The following RNLS variants were observed in gnomAD, a reference collection of about 807,000 sequenced individuals.
RNLS encodes renalase.
In RNLS, 39 loss-of-function variants were observed where a neutral mutation model predicts 39.8. The observed-to-expected ratio is 0.98, with a 90% confidence interval of 0.76 to 1.28. RNLS has a LOEUF of 1.28. Among genes scored for constraint, RNLS ranks in the 50% most tolerant of loss-of-function variants. The pLI, the probability that RNLS is intolerant of heterozygous loss-of-function variation, is 0.00. For synonymous variants in RNLS, 147 were observed against 150.7 expected, an observed-to-expected ratio of 0.98 and a Z score of 0.18; for missense variants, 410 against 413.3, an observed-to-expected ratio of 0.99 and a Z score of 0.07.
chr10:88,326,603 TA>T (rs536276576), intron 5 of RNLS, among the ~76,000 whole-genome samples: 121 of 152,322 alleles, frequency 7.9e-4, no homozygotes, highest in Non-Finnish European at 1.3e-3. Flanking sequence ...AACTTATGTT[TA>T]AAAGGGATAC....
intron 4 of RNLS, among the ~76,000 whole-genome samples, chr10:88,504,597 A>C (rs1445557746): frequency 6.6e-6 from 1 of 152,118 alleles, no homozygotes; most frequent in Non-Finnish European, 1.5e-5. Flanking sequence ...AGTAAACCCT[A>C]AAAGGGAATA....
At chr10:88,549,410 A>C (rs2134327780) in intron 4 of RNLS, among the ~76,000 whole-genome samples, 1 of 151,982 alleles carries the variant, frequency 6.6e-6, no homozygotes, top group African/African-American at 2.4e-5. Context: ...AAAAAAAAAA[A>C]AAACAAGTTG....
At chr10:88,552,574 A>G (rs1247376770) in intron 4 of RNLS, among the ~76,000 whole-genome samples, 1 of 152,246 alleles carries the variant, frequency 6.6e-6, no homozygotes, top group African/African-American at 2.4e-5. Flanking sequence ...GACAACAGTT[A>G]CTGATTAAAA....
At chr10:88,193,278 C>G in the RNLS span, among the ~76,000 whole-genome samples, 1 of 152,036 alleles carries the variant, frequency 6.6e-6, no homozygotes, top group African/African-American at 2.4e-5. Flanking sequence ...TTGACTCGCC[C>G]GAGAACTGTT....
intron 4 of RNLS, among the ~76,000 whole-genome samples, chr10:88,560,206 T>C (rs950651453): frequency 2.0e-5 from 3 of 152,174 alleles, no homozygotes; most frequent in Admixed American, 6.5e-5. Context: ...TTGATGGTTA[T>C]TATAAAATTA....
At chr10:88,556,883 T>C (rs1191296937) in intron 4 of RNLS, among the ~76,000 whole-genome samples, 3 of 152,160 alleles carry the variant, frequency 2.0e-5, no homozygotes, top group Non-Finnish European at 2.9e-5. Context: ...TCATTTCACA[T>C]AGATATTCAC....
At chr10:88,442,712 C>T (rs1331427613) in intron 4 of RNLS, among the ~76,000 whole-genome samples, 5 of 152,256 alleles carry the variant, frequency 3.3e-5, no homozygotes, top group East Asian at 1.9e-4. Context: ...GCCTACACCA[C>T]GTTCCCTAGG....
At chr10:88,488,503 G>A (rs903588070) in intron 4 of RNLS, among the ~76,000 whole-genome samples, 11 of 139,542 alleles carry the variant, frequency 7.9e-5, no homozygotes, top group African/African-American at 2.2e-4. Flanking sequence ...CTGACATTGC[G>A]CCATTGCACT....
At chr10:88,484,007 T>C (rs1368985137) in intron 4 of RNLS, among the ~76,000 whole-genome samples, 1 of 152,116 alleles carries the variant, frequency 6.6e-6, no homozygotes, top group Non-Finnish European at 1.5e-5. Flanking sequence ...AAGATGCTCT[T>C]GTGAATAACG....
chr10:88,297,547 T>C (rs1310244826), intron 6 of RNLS, among the ~76,000 whole-genome samples: 1 of 152,206 alleles, frequency 6.6e-6, no homozygotes, highest in Non-Finnish European at 1.5e-5. Context: ...TCTGTCTCTA[T>C]GGATTTGCCT....
intron 4 of RNLS, among the ~76,000 whole-genome samples, chr10:88,524,409 T>G (rs1846953464): frequency 6.6e-6 from 1 of 152,112 alleles, no homozygotes; most frequent in Admixed American, 6.6e-5. Flanking sequence ...TTCTTAACAT[T>G]TGTTGAGTAT....
the RNLS span, among the ~76,000 whole-genome samples, chr10:88,217,198 G>T: frequency 6.6e-6 from 1 of 152,130 alleles, no homozygotes; most frequent in Non-Finnish European, 1.5e-5. Flanking sequence ...GACACTAGGA[G>T]ATAACACCTG....
intron 4 of RNLS, among the ~76,000 whole-genome samples, chr10:88,549,831 T>C (rs537166067): frequency 1.1e-4 from 16 of 152,218 alleles, no homozygotes; most frequent in Non-Finnish European, 1.5e-4. Context: ...TTGTTATATA[T>C]TCACAAATTG....
At chr10:88,456,068 T>C (rs1332763881) in intron 4 of RNLS, among the ~76,000 whole-genome samples, 1 of 152,156 alleles carries the variant, frequency 6.6e-6, no homozygotes, top group African/African-American at 2.4e-5. Context: ...TCTTAAGATT[T>C]GGAAAGAAAA....
intron 5 of RNLS, among the ~76,000 whole-genome samples, chr10:88,356,209 C>CCTGCACCCACCATT (rs1238681764): frequency 1.3e-5 from 2 of 152,154 alleles, no homozygotes; most frequent in Admixed American, 6.5e-5. Flanking sequence ...TGCTCGGTGT[C>CCTGCACCCACCATT]CTGCACCCAC....
the RNLS span, among the ~76,000 whole-genome samples, chr10:88,226,186 T>C: frequency 6.6e-6 from 1 of 152,224 alleles, no homozygotes; most frequent in Non-Finnish European, 1.5e-5. Flanking sequence ...CAAGACATAT[T>C]TATTCAGCCC....
At chr10:88,175,177 G>T in the RNLS span, among the ~76,000 whole-genome samples, 1 of 151,646 alleles carries the variant, frequency 6.6e-6, no homozygotes, top group African/African-American at 2.4e-5. Flanking sequence ...GTGGTTTGTG[G>T]ATTTTGTTTA....
intron 4 of RNLS, among the ~76,000 whole-genome samples, chr10:88,466,553 A>G (rs567606955): frequency 6.6e-6 from 1 of 152,170 alleles, no homozygotes; most frequent in Non-Finnish European, 1.5e-5. Context: ...TGTTCAATTC[A>G]GCTTTCCTTC....
intron 4 of RNLS, among the ~76,000 whole-genome samples, chr10:88,462,591 CA>C (rs1564819140): frequency 1.3e-5 from 2 of 151,780 alleles, no homozygotes; most frequent in Non-Finnish European, 2.9e-5. Flanking sequence ...CACAGTCTAA[CA>C]GTCTAATGGA....
Sources: allele counts gnomAD v4.1 joint callset (sites outside exome capture counted in the v4.1 genomes callset), GRCh38; gene constraint gnomAD v4.1.1; transcripts MANE v1.5; gene names NCBI Gene and HGNC (gene_info 2026-07-23, HGNC 2026-07-21).